Variants in RBM19 observed in about 807,000 individuals in gnomAD.
RBM19 encodes the protein RNA binding motif protein 19.
In RBM19, 94 loss-of-function variants were observed where a neutral mutation model predicts 116.8. That is an observed-to-expected ratio of 0.80 (90% CI 0.68 to 0.95). The LOEUF (loss-of-function observed/expected upper bound fraction) is 0.95, where lower values mean the gene tolerates loss of function less well. Among genes scored for constraint, RBM19 ranks in the 40% least tolerant of loss-of-function variants. The probability of loss-of-function intolerance (pLI) is 0.00; values close to 1 mark genes in which losing one functional copy is unlikely to be tolerated. For missense variants in RBM19, 1,161 were observed against 1,220.7 expected (o/e 0.95, Z 0.73); for synonymous variants, 475 against 494.1 (o/e 0.96, Z 0.51).
chr12:113,916,173 G>A (rs145641105), intron 20 of RBM19, among the ~76,000 whole-genome samples: 403 of 152,314 alleles, frequency 2.6e-3, no homozygotes, highest in African/African-American at 9.2e-3. Flanking sequence ...CACTTTGGGA[G>A]GCTTAGGTGG....
chr12:113,918,286 G>A (rs1254539511), intron 20 of RBM19, 106 bp downstream of exon 20: 10 of 1,083,924 alleles, frequency 9.2e-6, no homozygotes, highest in Non-Finnish European at 1.3e-5. Flanking sequence ...TAAAGGGATA[G>A]GTGGAAAGGA....
At chr12:113,829,485 C>T (rs115480865) in intron 23 of RBM19, among the ~76,000 whole-genome samples, 1,626 of 152,280 alleles carry the variant, frequency 0.011, 39 homozygotes, top group African/African-American at 0.036. Flanking sequence ...TCATGGGGAC[C>T]GTAAGGATTC....
chr12:113,955,067 G>T (rs1040743057), intron 7 of RBM19, 64 bp downstream of exon 7: 1 of 1,533,982 alleles, frequency 6.5e-7, no homozygotes, highest in African/African-American at 1.4e-5. Flanking sequence ...AAAGGCTCCT[G>T]GCCTCCCCAC....
At chr12:113,963,642 G>T (rs1454174843) in intron 1 of RBM19, among the ~76,000 whole-genome samples, 1 of 152,210 alleles carries the variant, frequency 6.6e-6, no homozygotes, top group African/African-American at 2.4e-5. Context: ...ACTCAATTCA[G>T]AAATATAAGA....
intron 14 of RBM19, among the ~76,000 whole-genome samples, chr12:113,941,557 CCATCCATG>C (rs1268386613): frequency 6.7e-6 from 1 of 149,070 alleles, no homozygotes; most frequent in African/African-American, 2.6e-5. Flanking sequence ...ATCTACCCAT[CCATCCATG>C]CATCATCTGT....
At chr12:113,839,558 T>C (rs551289278) in intron 23 of RBM19, among the ~76,000 whole-genome samples, 1 of 152,332 alleles carries the variant, frequency 6.6e-6, no homozygotes, top group Admixed American at 6.5e-5. Flanking sequence ...GCTTCATCTC[T>C]GCGTGCCTCA....
At chr12:113,961,275 C>T (rs1025502094) in intron 2 of RBM19, among the ~76,000 whole-genome samples, 2 of 152,186 alleles carry the variant, frequency 1.3e-5, no homozygotes, top group Non-Finnish European at 2.9e-5. Context: ...ATCCTCCCAC[C>T]TCAGCCTCCC....
intron 21 of RBM19, among the ~76,000 whole-genome samples, chr12:113,891,166 G>T (rs549483624): frequency 2.0e-5 from 3 of 152,226 alleles, no homozygotes; most frequent in South Asian, 4.2e-4. Flanking sequence ...TTTAGGAAGG[G>T]CTGCATCAGG....
chr12:113,874,861 G>A (rs902393424), intron 21 of RBM19, among the ~76,000 whole-genome samples: 2 of 152,254 alleles, frequency 1.3e-5, no homozygotes, highest in Non-Finnish European at 1.5e-5. Context: ...CCTACACAAC[G>A]GCTGAAAAGA....
chr12:113,949,081 T>C (rs1273405134), intron 9 of RBM19, 45 bp from the exon 10 acceptor site: 8 of 1,529,458 alleles, frequency 5.2e-6, no homozygotes, highest in Non-Finnish European at 5.4e-6. Flanking sequence ...GCCTAGAACT[T>C]GCCAGCAACT....
chr12:113,946,312 G>C (rs1871013278), intron 12 of RBM19, 42 bp downstream of exon 12: 1 of 1,613,682 alleles, frequency 6.2e-7, no homozygotes, highest in Non-Finnish European at 8.5e-7. Flanking sequence ...GGGTGGCAGA[G>C]GGTTGGGGTT....
chr12:113,955,089 G>A, intron 7 of RBM19, 42 bp downstream of exon 7: 1 of 1,596,760 alleles, frequency 6.3e-7, no homozygotes, highest in Non-Finnish European at 8.6e-7. Context: ...CTCGTCTCCT[G>A]CTCCCGCAGG....
chr12:113,962,467 G>A (rs756647195), intron 1 of RBM19, 53 bp from the exon 2 acceptor site: 1 of 1,540,208 alleles, frequency 6.5e-7, no homozygotes, highest in Non-Finnish European at 8.9e-7. Context: ...CCAGAGCAAG[G>A]GGACAAAATG....
At chr12:113,850,787 G>GA (rs1593481618) in intron 22 of RBM19, among the ~76,000 whole-genome samples, 2 of 152,232 alleles carry the variant, frequency 1.3e-5, no homozygotes, top group East Asian at 1.9e-4. Flanking sequence ...TCAGGGAGCT[G>GA]TCCCTGGCAA....
chr12:113,860,209 G>A (rs148000602), intron 21 of RBM19, among the ~76,000 whole-genome samples: 2,383 of 152,300 alleles, frequency 0.016, 192 homozygotes, highest in Admixed American at 0.13. Flanking sequence ...AGTGGAGCCC[G>A]GTCAGGTTTC....
chr12:113,966,122 C>T lies in RBM19; in HGVS notation c.36+70G>A, dbSNP rs892979988. 3.1e-6 allele frequency: 5 copies of T among 1,596,154 alleles called. No homozygotes were observed. The African/African-American group carries it at 4.0e-5, about 13-fold the overall frequency. Reference sequence around the variant, plus strand: ...CAAAAATTCTTCGATCACCTCCAGGCATCTCTTCCCTACCTCACAGCTCCC... The same window carrying T: ...CAAAAATTCTTCGATCACCTCCAGGTATCTCTTCCCTACCTCACAGCTCCC... On this transcript the variant is annotated intron_variant, in intron 1 of 23. Coordinates refer to ENST00000261741, the MANE Select transcript of RBM19 (RefSeq NM_016196.4).
intron 23 of RBM19, among the ~76,000 whole-genome samples, chr12:113,833,017 C>A (rs1875566900): frequency 6.6e-6 from 1 of 152,094 alleles, no homozygotes; most frequent in Non-Finnish European, 1.5e-5. Context: ...CTGCTGATGA[C>A]TTCCAAATTT....
chr12:113,888,836 G>A (rs895099473), intron 21 of RBM19, among the ~76,000 whole-genome samples: 1 of 152,224 alleles, frequency 6.6e-6, no homozygotes, highest in African/African-American at 2.4e-5. Flanking sequence ...AGGGATATTA[G>A]AGAACTTAGC....
intron 22 of RBM19, among the ~76,000 whole-genome samples, chr12:113,848,983 TCTC>T (rs1259970809): frequency 2.6e-5 from 4 of 152,204 alleles, no homozygotes; most frequent in African/African-American, 9.6e-5. Context: ...CAGACATTAT[TCTC>T]CTATTTCAAT....
Sources: gnomAD v4.1 joint callset for allele counts (sites outside exome capture counted in the v4.1 genomes callset) on GRCh38, gnomAD v4.1.1 for gene constraint, MANE v1.5 for transcripts, NCBI Gene and HGNC (gene_info 2026-07-23, HGNC 2026-07-21) for gene names.